Variants in CACNA1B observed in about 807,000 individuals in gnomAD.
CACNA1B encodes the protein calcium voltage-gated channel subunit alpha1 B.
A neutral mutation model predicts 247.2 loss-of-function variants in CACNA1B; 70 were observed. That is an observed-to-expected ratio of 0.28 (90% CI 0.23 to 0.35). The LOEUF (loss-of-function observed/expected upper bound fraction) is 0.35. CACNA1B is among the 10% of genes least tolerant of loss of function. CACNA1B has a pLI of 1.00. For synonymous variants in CACNA1B, 1,231 were observed against 1,294.4 expected, an observed-to-expected ratio of 0.95 and a Z score of 1.05; for missense variants, 2,367 against 3,197.4, an observed-to-expected ratio of 0.74 and a Z score of 6.26.
rs1390322487 is a variant in CACNA1B, at chr9:138,058,578, A to G, written c.4318A>G (p.Ile1440Val). The G allele has an allele frequency of 1.9e-6, 3 of 1,610,830 alleles. No individual in the cohort carries two copies. The highest frequency in any genetic ancestry group is 8.5e-7 in the Non-Finnish European group (1 of 1,179,100). The change falls in exon 29 of 47, where the codon ATT becomes GTT. Residue 1440 changes from isoleucine to valine, a missense_variant. Ile to Val is a conservative substitution (Grantham distance 29). Coordinates refer to ENST00000371372, the MANE Select transcript of CACNA1B (RefSeq NM_000718.4). This position sits in a 1 kb window ranked among gnomAD's most constrained non-coding sequence, Gnocchi z 4.7. ...CSLEKNERACIDFAISAKPLT... is the reference protein window; with the variant it reads ...CSLEKNERACVDFAISAKPLT... The stretch of plus-strand genomic sequence containing the variant: ...CTTTCTCCCCTTACAGAGGGCTTGC[A>G]TTGACTTCGCCATCAGCGCCAAACC...
chr9:138,120,256 G>T lies in CACNA1B; in HGVS notation c.6122G>T (p.Arg2041Leu), dbSNP rs201543308. 6.2e-7 allele frequency: 1 copy of T among 1,601,378 alleles called. No individual in the cohort carries two copies. Among genetic ancestry groups the T allele is most frequent in the Non-Finnish European group, 8.5e-7 (1 of 1,175,374 alleles). The change falls in exon 45 of 47, where the codon CGC becomes CTC. Residue 2041 changes from arginine (R) to leucine (L), a missense_variant. Physicochemically the swap from Arg to Leu is moderately radical, Grantham distance 102. Around this residue, in one of 12 missense-constraint regions of CACNA1B, gnomAD observed 773 missense variants for 779.4 expected, o/e 0.99. Coordinates refer to ENST00000371372, the MANE Select transcript of CACNA1B (RefSeq NM_000718.4). ...GTHLCSTTPD[R>L]PPPSQASSHH... ...CATCTTTGCAGCACCACCCCGGACC[G>T]CCCACCCCCTAGCCAGGCGTCGTCG...
intron 36 of CACNA1B, among the ~76,000 whole-genome samples, chr9:138,091,850 C>T (rs1460618769): frequency 6.6e-6 from 1 of 152,064 alleles, no homozygotes; most frequent in African/African-American, 2.4e-5. Flanking sequence ...TCTATTTTTC[C>T]TAAGTGTCGG....
At chr9:137,978,837 G>A (rs532865329) in intron 12 of CACNA1B, among the ~76,000 whole-genome samples, 105 of 152,242 alleles carry the variant, frequency 6.9e-4, no homozygotes, top group Non-Finnish European at 1.3e-3. Context: ...TTCTGGCCTC[G>A]GGGGTAGTGG....
rs150826938 is a variant in CACNA1B, at chr9:138,030,619, G to A, written c.3286+5447G>A. Among the ~76,000 whole-genome samples, 12 of 152,218 alleles carry A rather than the reference G, an allele frequency of 7.9e-5. 1 individual carries two copies. The East Asian group carries it at 2.3e-3, about 29-fold the overall frequency. ...TAAAATGTTTTGAATTGAATGGATTGTCCCTCTTCTATTTTCTAGAGGAGA... is the reference window on the plus strand; with the variant it reads ...TAAAATGTTTTGAATTGAATGGATTATCCCTCTTCTATTTTCTAGAGGAGA... On this transcript the variant is annotated intron_variant, in intron 20 of 46. Transcript: ENST00000371372.
intron 39 of CACNA1B, 39 bp from the exon 40 acceptor site, chr9:138,112,359 C>T (rs200027204): frequency 2.3e-5 from 34 of 1,488,154 alleles, no homozygotes; most frequent in Non-Finnish European, 3.0e-5. Context: ...CTCCTAACAT[C>T]TCTGTCTTTT....
chr9:137,986,415 ACTGGAGCTCCCTGCGGAAC>A lies in CACNA1B; in HGVS notation c.1777_1795del (p.Ser593TrpfsTer5), dbSNP rs1958362749. The stretch of plus-strand genomic sequence containing the variant: ...AGACCCCCTGCCTGGCCCCGCAGGT[ACTGGAGCTCCCTGCGGAAC>A]CTGGTGGTGTCCCTGCTGAACTCCA... On this transcript the variant is annotated frameshift_variant, in exon 14 of 47. Coordinates refer to ENST00000371372, the MANE Select transcript of CACNA1B (RefSeq NM_000718.4). LOFTEE classifies it high-confidence loss of function. The surrounding 1 kb of genome is among the most constrained non-coding windows in gnomAD (Gnocchi z 6.0). 6.2e-7 allele frequency: 1 copy of A among 1,613,612 alleles called. No individual in the cohort carries two copies.
In CACNA1B at chr9:138,123,175, C is replaced by G. The variant is rs1962158576; in HGVS notation, c.*1176C>G. ...CAAAGGCTGGTAGGAAGGAGGAAGA[C>G]ATTGGCTGGGGGCTTGGATGTGGGG... On this transcript the variant is annotated 3_prime_UTR_variant, in exon 47 of 47. Transcript: ENST00000371372. 1 of 152,406 alleles carries G rather than the reference C, an allele frequency of 6.6e-6. No homozygotes were observed. The highest frequency in any genetic ancestry group is 1.9e-4 in the East Asian group (1 of 5,204). The allele number at this position is 152,406 out of a possible 1,614,324, so 9.4% of individuals were successfully genotyped here.
In CACNA1B at chr9:138,082,516, G is replaced by T. The variant is rs531838444; in HGVS notation, c.5094+4258G>T. On this transcript the variant is annotated intron_variant, in intron 36 of 46. Coordinates refer to ENST00000371372, the MANE Select transcript of CACNA1B (RefSeq NM_000718.4). ...GAACACAGAACAGTTAGCTCCCTTT[G>T]ATTGGCCAAAACTTGATGATTGGCG... Among the ~76,000 whole-genome samples the T allele has an allele frequency of 2.7e-4, 41 of 151,390 alleles. 2 individuals carry two copies. The highest frequency in any genetic ancestry group is 9.5e-4 in the African/African-American group (39 of 41,032).
chr9:138,004,170 A>T (rs956323007), intron 15 of CACNA1B, among the ~76,000 whole-genome samples: 7 of 152,194 alleles, frequency 4.6e-5, no homozygotes, highest in African/African-American at 1.7e-4. Context: ...CCCGGAAGCC[A>T]CTAAAAGTAC....
At position 137,946,516 on chromosome 9, in the gene CACNA1B, G is replaced by A. The variant is rs113110484; in HGVS notation, c.967-5758G>A. On this transcript the variant is annotated intron_variant, in intron 6 of 46. Transcript: ENST00000371372. ...AGGGCAGCTATCCCTATCATTCCTC[G>A]GCCTTCAGGTAACACTGGAGAGTGG... 5.9e-5 allele frequency among the ~76,000 whole-genome samples: 9 copies of A among 152,022 alleles called. No homozygotes were observed. In the South Asian group the frequency reaches 1.0e-3, roughly 18 times the overall value.
intron 39 of CACNA1B, among the ~76,000 whole-genome samples, chr9:138,108,455 A>T (rs1239449882): frequency 6.6e-6 from 1 of 152,162 alleles, no homozygotes. Context: ...TTAGGGAAGA[A>T]ATAATGCCAA....
At chr9:138,044,153 G>A (rs868325190) in intron 21 of CACNA1B, among the ~76,000 whole-genome samples, 20 of 152,360 alleles carry the variant, frequency 1.3e-4, no homozygotes, top group Admixed American at 5.9e-4. Context: ...TGTGGTGTGC[G>A]TGTGTCTCTG....
chr9:138,041,930 T>TA (rs1175890951), intron 20 of CACNA1B, among the ~76,000 whole-genome samples: 3 of 152,100 alleles, frequency 2.0e-5, no homozygotes, highest in African/African-American at 7.2e-5. Flanking sequence ...TTTTTAATTT[T>TA]AAATTTTTTT....
intron 18 of CACNA1B, among the ~76,000 whole-genome samples, chr9:138,013,614 A>G (rs1330591147): frequency 6.6e-6 from 1 of 152,236 alleles, no homozygotes; most frequent in Non-Finnish European, 1.5e-5. Context: ...ATGAGCCAAG[A>G]GATTCTAGGT....
chr9:138,121,659 G>A lies in CACNA1B; in HGVS notation c.6680G>A (p.Arg2227Gln), dbSNP rs1480318519. Residue 2227 changes from arginine to glutamine, a missense_variant, in exon 47 of 47, where the codon CGG (arginine) becomes CAG (glutamine). Coordinates refer to ENST00000371372, the MANE Select transcript of CACNA1B (RefSeq NM_000718.4). The surrounding 1 kb of genome is among the most constrained non-coding windows in gnomAD (Gnocchi z 6.8). The part of the protein sequence containing the change: ...QTSLPAFSPG[R>Q]LSRGLSEHNA... ...AGCCTCCCTGCCTTCTCCCCAGGCC[G>A]GCTCAGCCGTGGGCTTTCCGAACAC... is the stretch of plus-strand genomic sequence containing the variant. 7 of 1,612,678 alleles carry A rather than the reference G, an allele frequency of 4.3e-6. No individual in the cohort carries two copies. Among genetic ancestry groups the A allele is most frequent in the Admixed American group, 1.7e-5 (1 of 59,968 alleles).
Position 137,914,943 on chromosome 9 carries a change from C to A in CACNA1B, c.775+137C>A. On this transcript the variant is annotated intron_variant, in intron 5 of 46. Transcript: ENST00000371372. This position sits in a 1 kb window ranked among gnomAD's most constrained non-coding sequence, Gnocchi z 4.3. ...GTGGAGCTGACATTCTAGTGGGGGA[C>A]ATAGACGATAGCCTGATAAACACAA... 1.2e-6 allele frequency: 1 copy of A among 810,332 alleles called. No homozygotes were observed. The highest frequency in any genetic ancestry group is 1.9e-6 in the Non-Finnish European group (1 of 527,866). The allele number at this position is 810,332 out of a possible 1,614,324, so 50.2% of individuals were successfully genotyped here.
chr9:137,957,116 C>T lies in CACNA1B; in HGVS notation c.1243+289C>T, dbSNP rs1382711589. Among the ~76,000 whole-genome samples, 1 of 152,212 alleles carries T rather than the reference C, an allele frequency of 6.6e-6. No homozygotes were observed. On this transcript the variant is annotated intron_variant, in intron 9 of 46. Coordinates refer to ENST00000371372, the MANE Select transcript of CACNA1B (RefSeq NM_000718.4). The surrounding 1 kb of genome is among the most constrained non-coding windows in gnomAD (Gnocchi z 4.7). ...CACAACCTGGGGCCATGAGAGGGAG[C>T]CCGGGCCCCACTGCTGTGGTTGCTG...
At position 138,058,028 on chromosome 9, in the gene CACNA1B, C is replaced by A; in HGVS notation, c.4107-21C>A. 2 of 1,607,364 alleles carry A rather than the reference C, an allele frequency of 1.2e-6. No homozygotes were observed. Among genetic ancestry groups the A allele is most frequent in the Non-Finnish European group, 1.7e-6 (2 of 1,173,774 alleles). On this transcript the variant is annotated intron_variant, in intron 27 of 46. Coordinates refer to ENST00000371372, the MANE Select transcript of CACNA1B (RefSeq NM_000718.4). This position sits in a 1 kb window ranked among gnomAD's most constrained non-coding sequence, Gnocchi z 4.7. ...GTCTCCTTTGGGGGTTCCCCTGACA[C>A]TTGCTCTCCTCTTTGCCCAGGGTGC...
Position 137,913,398 on chromosome 9 carries a change from G to C in CACNA1B, c.622+127G>C. 2.9e-6 allele frequency: 2 copies of C among 690,152 alleles called. No homozygotes were observed. The highest frequency in any genetic ancestry group is 4.9e-6 in the Non-Finnish European group (2 of 406,382). The allele number at this position is 690,152 out of a possible 1,614,324, so 42.8% of individuals were successfully genotyped here. On this transcript the variant is annotated intron_variant, in intron 4 of 46. Transcript: ENST00000371372. The surrounding 1 kb of genome is among the most constrained non-coding windows in gnomAD (Gnocchi z 5.2). ...CTGAGCTTGCCACTTTTGACCCCAG[G>C]GAACCAGGCAGGAGGAAGGGAGGAG...
Sources: gnomAD v4.1 joint callset for allele counts (sites outside exome capture counted in the v4.1 genomes callset) on GRCh38, gnomAD v4.1.1 for gene constraint, gnomAD v4.1.1 regional missense constraint, Gnocchi (gnomAD v3.1) non-coding constraint, MANE v1.5 for transcripts, NCBI Gene and HGNC (gene_info 2026-07-23, HGNC 2026-07-21) for gene names.